TDRP: variants seen among roughly 807,000 people sequenced by gnomAD.
The protein encoded by TDRP is testis development related protein.
In TDRP, 12 loss-of-function variants were observed where a neutral mutation model predicts 10.5. That is an observed-to-expected ratio of 1.15 (90% CI 0.73 to 1.86). The LOEUF (loss-of-function observed/expected upper bound fraction) is 1.86, where lower values mean the gene tolerates loss of function less well. Among genes scored for constraint, TDRP ranks in the 40% most tolerant of loss-of-function variants. The pLI is 0.00. For synonymous variants in TDRP, 139 were observed against 95.4 expected, an observed-to-expected ratio of 1.46 and a Z score of -2.67; for missense variants, 353 against 229.2, an observed-to-expected ratio of 1.54 and a Z score of -3.49.
intron 1 of TDRP, among the ~76,000 whole-genome samples, chr8:498,946 CT>C (rs1192788727): frequency 6.6e-6 from 1 of 152,098 alleles, no homozygotes; most frequent in Non-Finnish European, 1.5e-5. Flanking sequence ...CCTTCACCTC[CT>C]TACGTAAGTT....
rs57263869 is a variant in TDRP, at chr8:521,246, C to CAAAAAAAAAAAAAAAA, written c.108+23388_108+23403dup. On this transcript the variant is annotated intron_variant, in intron 1 of 2. Transcript: ENST00000324079. Reference sequence around the variant, plus strand: ...TCAAACCCCGTCTCTACTAAAAATCCAAAAAAAAAAAAAAAAAAAAAATAG... The same window carrying CAAAAAAAAAAAAAAAA: ...TCAAACCCCGTCTCTACTAAAAATCCAAAAAAAAAAAAAAAAAAAAAAAAAAAAAAAAAAAAAATAG... 2.4e-5 allele frequency among the ~76,000 whole-genome samples: 2 copies of CAAAAAAAAAAAAAAAA among 84,570 alleles called. 1 individual carries two copies. 55.5% of individuals were successfully genotyped at this position (84,570 alleles called of 152,430 possible).
At chr8:492,786 T>C in intron 2 of TDRP, 42 bp from the exon 3 acceptor site, 1 of 1,439,722 alleles carries the variant, frequency 6.9e-7, no homozygotes, top group Non-Finnish European at 9.4e-7. Context: ...ACCCAGGTCT[T>C]AGGGCCTCAA....
chr8:501,136 G>T lies in TDRP; in HGVS notation c.109-6539C>A, dbSNP rs572383427. ...AGGAGAATGGCGTGAACCCGAGGAG[G>T]TGGAGCTTGCAGTGAGCTGAGATCG... On this transcript the variant is annotated intron_variant, in intron 1 of 2. Transcript: ENST00000324079. Among the ~76,000 whole-genome samples, 243 of 151,876 alleles carry T rather than the reference G, an allele frequency of 1.6e-3. 1 individual carries two copies. Among genetic ancestry groups the T allele is most frequent in the African/African-American group, 5.7e-3 (236 of 41,504 alleles).
At chr8:518,604 C>A (rs1470211205) in intron 1 of TDRP, among the ~76,000 whole-genome samples, 1 of 144,914 alleles carries the variant, frequency 6.9e-6, no homozygotes, top group Non-Finnish European at 1.5e-5. Flanking sequence ...AGAAAAGGAT[C>A]TTTTCTTCAC....
intron 1 of TDRP, among the ~76,000 whole-genome samples, chr8:529,344 C>T (rs1007007797): frequency 6.6e-6 from 1 of 152,144 alleles, no homozygotes; most frequent in Admixed American, 6.5e-5. Context: ...TATCTATTAA[C>T]ATAGTTTTAG....
At chr8:507,056 G>A (rs1251354408) in intron 1 of TDRP, among the ~76,000 whole-genome samples, 1 of 152,160 alleles carries the variant, frequency 6.6e-6, no homozygotes, top group South Asian at 2.1e-4. Flanking sequence ...TTACAATCAT[G>A]GCGGAAGGCA....
intron 1 of TDRP, among the ~76,000 whole-genome samples, chr8:526,404 T>C (rs1455391324): frequency 6.6e-6 from 1 of 152,200 alleles, no homozygotes; most frequent in Admixed American, 6.5e-5. Context: ...TACAGTTTTT[T>C]GAGCGTTCTT....
chr8:545,582 A>C (rs1802632292), upstream of TDRP: 1 of 152,148 alleles, frequency 6.6e-6, no homozygotes, highest in Non-Finnish European at 1.5e-5. Flanking sequence ...GGGAAGGTGG[A>C]GGGGGCACAG....
chr8:541,939 C>G (rs539610231), intron 1 of TDRP, among the ~76,000 whole-genome samples: 1 of 152,156 alleles, frequency 6.6e-6, no homozygotes, highest in East Asian at 1.9e-4. Context: ...CACACAAAAA[C>G]CTGCACCTGA....
At chr8:500,719 G>A (rs776539951) in intron 1 of TDRP, among the ~76,000 whole-genome samples, 2 of 152,230 alleles carry the variant, frequency 1.3e-5, no homozygotes, top group African/African-American at 2.4e-5. Context: ...AGGAAGGGCA[G>A]GTGTATCGGA....
intron 1 of TDRP, among the ~76,000 whole-genome samples, chr8:499,439 C>A (rs1014743102): frequency 6.6e-6 from 1 of 152,282 alleles, no homozygotes; most frequent in African/African-American, 2.4e-5. Flanking sequence ...CCTGTAGCAC[C>A]TGGGTGGCTG....
At chr8:514,307 A>G (rs772102654) in intron 1 of TDRP, among the ~76,000 whole-genome samples, 5 of 152,228 alleles carry the variant, frequency 3.3e-5, no homozygotes, top group Non-Finnish European at 5.9e-5. Context: ...ACCCATACAT[A>G]TAAGGTCAAT....
At chr8:532,742 C>A (rs902296411) in intron 1 of TDRP, among the ~76,000 whole-genome samples, 1 of 152,186 alleles carries the variant, frequency 6.6e-6, no homozygotes, top group Non-Finnish European at 1.5e-5. Context: ...AGTTACCTTA[C>A]AGTCAGAAGA....
Position 491,077 on chromosome 8 carries a change from T to G in TDRP, c.*1322A>C, listed in dbSNP as rs1800958528. ...GACAGATCAAGTAAACCTGTTCTAT[T>G]AAAAAACATGCAGACACTGATAACA... On this transcript the variant is annotated 3_prime_UTR_variant, in exon 3 of 3. Transcript: ENST00000324079. The G allele has an allele frequency of 6.6e-6, 1 of 152,288 alleles. No individual in the cohort carries two copies. Among genetic ancestry groups the G allele is most frequent in the African/African-American group, 2.4e-5 (1 of 41,452 alleles). The allele number at this position is 152,288 out of a possible 1,614,324, so 9.4% of individuals were successfully genotyped here. A position where few individuals can be genotyped will look rare whatever the true frequency, so the allele number is the denominator to read the frequency against.
chr8:544,274 G>A lies in TDRP; in HGVS notation c.108+376C>T, dbSNP rs1802577212. The stretch of plus-strand genomic sequence containing the variant: ...CCCGGCGTGGACCTCTGCGTCCCGG[G>A]CCCACGACGCCCGCGCCGCGGGGTG... On this transcript the variant is annotated intron_variant, in intron 1 of 2. Coordinates refer to ENST00000324079, the MANE Select transcript of TDRP (RefSeq NM_001384899.1). Among the ~76,000 whole-genome samples, 3 of 151,970 alleles carry A rather than the reference G, an allele frequency of 2.0e-5. No homozygotes were observed. In the South Asian group the frequency reaches 6.2e-4, roughly 32 times the overall value.
intron 1 of TDRP, among the ~76,000 whole-genome samples, chr8:501,657 A>C (rs1230443011): frequency 6.6e-6 from 1 of 152,174 alleles, no homozygotes; most frequent in Non-Finnish European, 1.5e-5. Flanking sequence ...CTTTCCTGCT[A>C]TACGTTTTAA....
intron 1 of TDRP, among the ~76,000 whole-genome samples, chr8:514,155 C>A (rs757643365): frequency 1.2e-4 from 18 of 152,104 alleles, no homozygotes; most frequent in Non-Finnish European, 2.6e-4. Flanking sequence ...AAAAGAAGAT[C>A]AAAGTAAGAG....
chr8:530,872 C>T (rs1323667345), intron 1 of TDRP, among the ~76,000 whole-genome samples: 1 of 152,150 alleles, frequency 6.6e-6, no homozygotes, highest in East Asian at 1.9e-4. Flanking sequence ...AGCCAAGAAC[C>T]ACACGCTCTC....
chr8:520,410 G>A (rs1014180597), intron 1 of TDRP, among the ~76,000 whole-genome samples: 4 of 152,202 alleles, frequency 2.6e-5, no homozygotes, highest in African/African-American at 7.2e-5. Flanking sequence ...TAATGAACAT[G>A]GGTGTGCAAA....
Sources: allele counts gnomAD v4.1 joint callset (sites outside exome capture counted in the v4.1 genomes callset), GRCh38; gene constraint gnomAD v4.1.1; transcripts MANE v1.5; gene names NCBI Gene and HGNC (gene_info 2026-07-23, HGNC 2026-07-21).